Variants in NREP observed in about 807,000 individuals in gnomAD.
NREP encodes neuronal regeneration related protein.
NREP carries 5 observed loss-of-function variants against 8.6 expected under a neutral mutation model. That is an observed-to-expected ratio of 0.58 (90% CI 0.30 to 1.22). NREP has a LOEUF of 1.22. Among genes scored for constraint, NREP ranks in the 50% most tolerant of loss-of-function variants. The probability of loss-of-function intolerance (pLI) is 0.07; values close to 1 mark genes in which losing one functional copy is unlikely to be tolerated. For missense variants in NREP, 86 were observed against 82.5 expected (o/e 1.04, Z -0.17); for synonymous variants, 27 against 28.0 (o/e 0.96, Z 0.11).
At chr5:111,936,417 T>C (rs1009164539) in intron 2 of NREP, among the ~76,000 whole-genome samples, 3 of 152,098 alleles carry the variant, frequency 2.0e-5, no homozygotes, top group Admixed American at 1.3e-4. Context: ...GTCAGTTTCC[T>C]GAGACCTATC....
At chr5:111,828,581 G>C (rs867651603) in intron 2 of NREP, among the ~76,000 whole-genome samples, 2 of 152,028 alleles carry the variant, frequency 1.3e-5, no homozygotes, top group African/African-American at 4.8e-5. Context: ...TTAAAGATTA[G>C]AGCGCTTAAT....
intron 2 of NREP, among the ~76,000 whole-genome samples, chr5:111,742,720 A>G (rs1172942328): frequency 6.6e-6 from 1 of 152,128 alleles, no homozygotes; most frequent in Non-Finnish European, 1.5e-5. Context: ...AGCAACAGCC[A>G]GCTAATTCAA....
chr5:111,771,770 A>AC (rs1399527574), intron 2 of NREP, among the ~76,000 whole-genome samples: 2 of 151,854 alleles, frequency 1.3e-5, no homozygotes, highest in East Asian at 3.8e-4. Context: ...TCTCAAAAAA[A>AC]AAAAAAAACA....
intron 2 of NREP, among the ~76,000 whole-genome samples, chr5:111,778,677 TG>T (rs1751419715): frequency 6.6e-6 from 1 of 152,170 alleles, no homozygotes; most frequent in South Asian, 2.1e-4. Flanking sequence ...TTTACAAGTT[TG>T]TTTGTGTTTG....
At chr5:111,855,876 A>G (rs973607601) in intron 2 of NREP, among the ~76,000 whole-genome samples, 9 of 150,492 alleles carry the variant, frequency 6.0e-5, no homozygotes, top group African/African-American at 1.7e-4. Context: ...TTGGAGGGGG[A>G]AAAAAAAGAT....
At chr5:111,825,801 G>A (rs921240634) in intron 2 of NREP, among the ~76,000 whole-genome samples, 4 of 152,102 alleles carry the variant, frequency 2.6e-5, no homozygotes, top group Admixed American at 6.6e-5. Flanking sequence ...CATGGTGCTT[G>A]TCAGGAGGTC....
chr5:111,807,071 T>G (rs775977341), intron 2 of NREP, among the ~76,000 whole-genome samples: 5 of 152,122 alleles, frequency 3.3e-5, no homozygotes, highest in African/African-American at 4.8e-5. Context: ...AATTTTGATG[T>G]CTTTACAAGG....
intron 2 of NREP, among the ~76,000 whole-genome samples, chr5:111,966,404 G>A (rs903490784): frequency 2.0e-5 from 3 of 152,106 alleles, no homozygotes; most frequent in Non-Finnish European, 2.9e-5. Context: ...TTAAAATTAG[G>A]TTATAAATAC....
At chr5:111,743,409 G>C (rs866284337) in intron 2 of NREP, among the ~76,000 whole-genome samples, 3 of 152,034 alleles carry the variant, frequency 2.0e-5, no homozygotes, top group South Asian at 2.1e-4. Context: ...TACCTCCCTG[G>C]AGTGGAACCA....
chr5:111,879,074 G>T (rs1036670546), intron 2 of NREP, among the ~76,000 whole-genome samples: 1 of 152,140 alleles, frequency 6.6e-6, no homozygotes, highest in Non-Finnish European at 1.5e-5. Context: ...TGTGCCTTCC[G>T]CATAGTAATG....
At chr5:111,738,459 C>G (rs749072188) in intron 2 of NREP, 1 of 152,166 alleles carries the variant, frequency 6.6e-6, no homozygotes, top group Non-Finnish European at 1.5e-5. Context: ...TTCTTCTCAT[C>G]GGAACATGTT....
chr5:111,814,525 GGATTA>G (rs1253351883), intron 2 of NREP, among the ~76,000 whole-genome samples: 7 of 152,028 alleles, frequency 4.6e-5, no homozygotes, highest in African/African-American at 1.2e-4. Context: ...AGAAACAGTA[GGATTA>G]AAGTACTCCC....
At chr5:111,824,827 G>C (rs1339432569) in intron 2 of NREP, among the ~76,000 whole-genome samples, 2 of 152,152 alleles carry the variant, frequency 1.3e-5, no homozygotes, top group East Asian at 3.8e-4. Flanking sequence ...ATGTAGCCTT[G>C]AGTGCATAGG....
At chr5:111,791,869 G>A (rs553055865) in intron 2 of NREP, among the ~76,000 whole-genome samples, 13 of 152,092 alleles carry the variant, frequency 8.5e-5, no homozygotes, top group Non-Finnish European at 1.8e-4. Flanking sequence ...GCTATGTTTC[G>A]AACTGCCTCT....
At position 111,893,405 on chromosome 5, in the gene NREP, CT is replaced by C. The variant is rs199907279; in HGVS notation, c.135+81868del. ...AGACAAAATAGGTAAATTCTTACAG[CT>C]TTTTTTTCCCTTCTGTAGGTTCTCA... On this transcript the variant is annotated intron_variant, in intron 2 of 3. Transcript: ENST00000395634. 8.1e-3 allele frequency among the ~76,000 whole-genome samples: 1,232 copies of C among 151,710 alleles called. 13 individuals carry two copies. The highest frequency in any genetic ancestry group is 0.011 in the Non-Finnish European group (772 of 67,864).
intron 2 of NREP, among the ~76,000 whole-genome samples, chr5:111,932,102 C>T (rs1420613855): frequency 9.9e-5 from 14 of 141,574 alleles, no homozygotes; most frequent in Non-Finnish European, 1.7e-4. Context: ...TATTAAAGAC[C>T]GTGGAGACTT....
intron 2 of NREP, among the ~76,000 whole-genome samples, chr5:111,968,912 C>T (rs1352335377): frequency 6.6e-6 from 1 of 152,214 alleles, no homozygotes; most frequent in Non-Finnish European, 1.5e-5. Flanking sequence ...CATCACCACT[C>T]AACCCACTGC....
chr5:111,898,208 G>A (rs1306830922), intron 2 of NREP, among the ~76,000 whole-genome samples: 3 of 152,160 alleles, frequency 2.0e-5, no homozygotes, highest in East Asian at 3.9e-4. Flanking sequence ...CAGCTATAAA[G>A]AGGAAAGTGT....
intron 2 of NREP, among the ~76,000 whole-genome samples, chr5:111,860,901 T>G (rs1753529428): frequency 6.6e-6 from 1 of 152,126 alleles, no homozygotes; most frequent in Non-Finnish European, 1.5e-5. Flanking sequence ...ATAAAACATT[T>G]CAACAATGAT....
Sources: gnomAD v4.1 joint callset for allele counts (sites outside exome capture counted in the v4.1 genomes callset) on GRCh38, gnomAD v4.1.1 for gene constraint, MANE v1.5 for transcripts, NCBI Gene and HGNC (gene_info 2026-07-23, HGNC 2026-07-21) for gene names.